The following PCDHA7 variants were observed in gnomAD, a reference collection of about 807,000 sequenced individuals.
PCDHA7 encodes the protein protocadherin alpha-7.
PCDHA7 carries 37 observed loss-of-function variants against 57.2 expected under a neutral mutation model. That is an observed-to-expected ratio of 0.65 (90% CI 0.50 to 0.85). The LOEUF (loss-of-function observed/expected upper bound fraction) is 0.85. Ranked by LOEUF, PCDHA7 falls within the 40% of genes least tolerant of loss-of-function variation. The pLI, the probability that PCDHA7 is intolerant of heterozygous loss-of-function variation, is 0.00. For missense variants in PCDHA7, 1,188 were observed against 1,241.8 expected, an observed-to-expected ratio of 0.96 and a Z score of 0.65; for synonymous variants, 553 against 558.8, an observed-to-expected ratio of 0.99 and a Z score of 0.15.
chr5:141,008,633 A>G (rs1212403774), intron 3 of PCDHA7, among the ~76,000 whole-genome samples: 1 of 152,212 alleles, frequency 6.6e-6, no homozygotes, highest in African/African-American at 2.4e-5. Context: ...AGTATAATTA[A>G]CAATTTCTTC....
At chr5:141,007,459 T>A (rs1323177537) in intron 3 of PCDHA7, among the ~76,000 whole-genome samples, 1 of 149,426 alleles carries the variant, frequency 6.7e-6, no homozygotes, top group Non-Finnish European at 1.5e-5. Context: ...TCCCAGCTAC[T>A]CAGGAGGCTG....
chr5:140,987,001 G>T (rs2097221434), intron 3 of PCDHA7, among the ~76,000 whole-genome samples: 1 of 152,038 alleles, frequency 6.6e-6, no homozygotes. Context: ...ATCACTTGAG[G>T]TCATGAGTTC....
chr5:140,875,530 C>T lies in PCDHA7; in HGVS notation c.2355+38792C>T, dbSNP rs782004877. On this transcript the variant is annotated intron_variant, in intron 1 of 3. Transcript: ENST00000525929. Reference sequence around the variant, plus strand: ...CCAGCGTCTGCTGCTCTCGCTTCTGCTCCTTGCAGCCTGGGAGGTGGGGAG... The same window carrying T: ...CCAGCGTCTGCTGCTCTCGCTTCTGTTCCTTGCAGCCTGGGAGGTGGGGAG... 9 of 1,614,004 alleles carry T rather than the reference C, an allele frequency of 5.6e-6. No individual in the cohort carries two copies. The South Asian group carries it at 8.8e-5, about 16-fold the overall frequency.
Position 140,857,571 on chromosome 5 carries a change from C to G in PCDHA7, c.2355+20833C>G, listed in dbSNP as rs782707848. 16 of 1,596,746 alleles carry G rather than the reference C, an allele frequency of 1.0e-5. 2 individuals are homozygous for G. Among genetic ancestry groups the G allele is most frequent in the East Asian group, 2.2e-5 (1 of 44,820 alleles). ...GAGCGCTCGCTGTCGAGCTACGTGT[C>G]GGTGCACGCGGAGAGCGGCAAGGTG... On this transcript the variant is annotated intron_variant, in intron 1 of 3. Transcript: ENST00000525929.
chr5:140,843,221 A>C (rs2150355439), intron 1 of PCDHA7: 1 of 1,595,692 alleles, frequency 6.3e-7, no homozygotes, highest in Non-Finnish European at 8.6e-7. Flanking sequence ...GATCAGCACC[A>C]CTCGTGTCCT....
intron 3 of PCDHA7, among the ~76,000 whole-genome samples, chr5:140,998,878 T>C (rs1379445555): frequency 6.6e-6 from 1 of 152,218 alleles, no homozygotes; most frequent in Non-Finnish European, 1.5e-5. Context: ...ATAATAAGTT[T>C]AGTTGAATAA....
At chr5:140,917,335 G>GGGGGGGGGGT in intron 1 of PCDHA7, among the ~76,000 whole-genome samples, 2 of 146,518 alleles carry the variant, frequency 1.4e-5, no homozygotes, top group Non-Finnish European at 3.1e-5. Flanking sequence ...GGGGGAGGGG[G>GGGGGGGGGGT]GGGATGGTGT....
intron 3 of PCDHA7, among the ~76,000 whole-genome samples, chr5:141,004,872 C>T (rs1242067093): frequency 6.6e-6 from 1 of 152,042 alleles, no homozygotes; most frequent in Non-Finnish European, 1.5e-5. Context: ...GTTTCTCATC[C>T]CTAAAGTGCT....
At chr5:140,933,901 CAT>C (rs1354614736) in intron 1 of PCDHA7, among the ~76,000 whole-genome samples, 33 of 151,882 alleles carry the variant, frequency 2.2e-4, no homozygotes, top group African/African-American at 7.7e-4. Flanking sequence ...AATATTTTGG[CAT>C]AAAGTTGTTT....
intron 1 of PCDHA7, among the ~76,000 whole-genome samples, chr5:140,954,496 T>G (rs571286912): frequency 2.3e-4 from 35 of 152,256 alleles, no homozygotes; most frequent in Non-Finnish European, 2.8e-4. Context: ...CATTGTGGTT[T>G]TGATTTGCAT....
chr5:140,961,564 T>A (rs2095622037), intron 1 of PCDHA7, among the ~76,000 whole-genome samples: 1 of 152,208 alleles, frequency 6.6e-6, no homozygotes, highest in African/African-American at 2.4e-5. Flanking sequence ...TTTTAAATTT[T>A]GTTTTGATAA....
At chr5:140,849,904 C>A in intron 1 of PCDHA7, 1 of 1,598,318 alleles carries the variant, frequency 6.3e-7, no homozygotes, top group Non-Finnish European at 8.6e-7. Context: ...AACAACCCGC[C>A]GGGCTGCCAC....
At chr5:140,876,838 G>C in intron 1 of PCDHA7, 1 of 1,614,140 alleles carries the variant, frequency 6.2e-7, no homozygotes, top group Non-Finnish European at 8.5e-7. Flanking sequence ...GCCTGCGTTC[G>C]CGCAGCCCGA....
intron 1 of PCDHA7, among the ~76,000 whole-genome samples, chr5:140,897,369 T>C (rs183566624): frequency 0.013 from 1,702 of 128,706 alleles, 36 homozygotes; most frequent in African/African-American, 0.049. Flanking sequence ...GAGTGTGATG[T>C]TCCCTTCCCC....
At chr5:140,898,797 C>T (rs1210404780) in intron 1 of PCDHA7, among the ~76,000 whole-genome samples, 7 of 152,160 alleles carry the variant, frequency 4.6e-5, no homozygotes, top group East Asian at 1.9e-4. Context: ...GCCATTTTCA[C>T]GATACTGATT....
intron 1 of PCDHA7, among the ~76,000 whole-genome samples, chr5:140,972,712 G>T (rs1409880262): frequency 6.9e-6 from 1 of 144,630 alleles, no homozygotes; most frequent in East Asian, 2.0e-4. Context: ...TTGCCAGGCT[G>T]GAGTGCAGTG....
At chr5:140,968,324 T>C (rs781875050) in intron 1 of PCDHA7, 15 of 1,613,972 alleles carry the variant, frequency 9.3e-6, no homozygotes. Context: ...GCCAGTCACC[T>C]CCTATGTCTC....
At chr5:140,882,331 C>G (rs781801545) in intron 1 of PCDHA7, 3 of 1,614,214 alleles carry the variant, frequency 1.9e-6, no homozygotes, top group South Asian at 1.1e-5. Flanking sequence ...TTCTGATCCT[C>G]GCAGCCTGGG....
intron 1 of PCDHA7, chr5:140,870,013 A>C: frequency 6.2e-7 from 1 of 1,613,716 alleles, no homozygotes; most frequent in Non-Finnish European, 8.5e-7. Context: ...AGTGAGGGTC[A>C]ATGGAACTTT....
Sources: allele counts gnomAD v4.1 joint callset (sites outside exome capture counted in the v4.1 genomes callset), GRCh38; gene constraint gnomAD v4.1.1; transcripts MANE v1.5; gene names NCBI Gene and HGNC (gene_info 2026-07-23, HGNC 2026-07-21).